RNF220: variants seen among roughly 807,000 people sequenced by gnomAD.
The protein encoded by RNF220 is ring finger protein 220.
RNF220 carries 7 observed loss-of-function variants against 67.1 expected under a neutral mutation model. That is an observed-to-expected ratio of 0.10 (90% CI 0.06 to 0.20). RNF220 has a LOEUF of 0.20. Ranked by LOEUF, RNF220 falls within the 10% of genes least tolerant of loss-of-function variation. RNF220 has a pLI of 1.00. For synonymous variants in RNF220, 270 were observed against 283.2 expected, an observed-to-expected ratio of 0.95 and a Z score of 0.47; for missense variants, 565 against 740.3, an observed-to-expected ratio of 0.76 and a Z score of 2.75.
At position 44,412,740 on chromosome 1, in the gene RNF220, A is replaced by G. The variant is rs1310952504; in HGVS notation, c.625+18A>G. On this transcript the variant is annotated intron_variant, in intron 2 of 14. Transcript: ENST00000361799. This position sits in a 1 kb window ranked among gnomAD's most constrained non-coding sequence, Gnocchi z 5.3. ...TGACAGATGTAAGTACTTTGGTTCC[A>G]GCCCTCCCTTACCCCCAGTAAGCCC... 1 of 1,605,928 alleles carries G rather than the reference A, an allele frequency of 6.2e-7. No individual in the cohort carries two copies. The highest frequency in any genetic ancestry group is 1.7e-5 in the Admixed American group (1 of 59,562).
chr1:44,578,183 C>G (rs1274353781), intron 2 of RNF220, among the ~76,000 whole-genome samples: 1 of 130,176 alleles, frequency 7.7e-6, no homozygotes, highest in African/African-American at 2.9e-5. Context: ...GAGTCGTGCT[C>G]TGTCTCCCAG....
chr1:44,577,302 C>T (rs1334778961), intron 2 of RNF220, among the ~76,000 whole-genome samples: 1 of 151,518 alleles, frequency 6.6e-6, no homozygotes, highest in East Asian at 1.9e-4. Context: ...TGCACCCCCT[C>T]TTACCCGCTG....
intron 8 of RNF220, among the ~76,000 whole-genome samples, chr1:44,641,913 G>A (rs539055770): frequency 1.2e-4 from 18 of 152,338 alleles, no homozygotes; most frequent in South Asian, 8.3e-4. Context: ...ACTGGCCAGC[G>A]GAACAGAAAG....
chr1:44,585,323 G>T (rs1440981229), intron 2 of RNF220, among the ~76,000 whole-genome samples: 1 of 152,090 alleles, frequency 6.6e-6, no homozygotes, highest in Non-Finnish European at 1.5e-5. Flanking sequence ...CTCTGTCCTG[G>T]AGCTCCAACT....
intron 2 of RNF220, among the ~76,000 whole-genome samples, chr1:44,538,913 C>G (rs1345067319): frequency 1.0e-5 from 1 of 99,068 alleles, no homozygotes; most frequent in Non-Finnish European, 1.8e-5. Flanking sequence ...GAGACTCCAT[C>G]TAGGGAAAAA....
intron 2 of RNF220, among the ~76,000 whole-genome samples, chr1:44,443,931 A>C (rs1651815065): frequency 6.6e-6 from 1 of 152,180 alleles, no homozygotes; most frequent in Non-Finnish European, 1.5e-5. Context: ...TCTCTACTAA[A>C]AATACAAAAA....
rs144930040 is a variant in RNF220, at chr1:44,600,369, G to A, written c.626-13796G>A. On this transcript the variant is annotated intron_variant, in intron 2 of 14. Coordinates refer to ENST00000361799, the MANE Select transcript of RNF220 (RefSeq NM_018150.4). The surrounding 1 kb of genome is among the most constrained non-coding windows in gnomAD (Gnocchi z 4.0). The stretch of plus-strand genomic sequence containing the variant: ...GAGGGAGAAGTGAATGATGACAAGG[G>A]CAATAGCTAACATCAGAGGCAGCAG... Among the ~76,000 whole-genome samples the A allele has an allele frequency of 2.4e-4, 36 of 152,268 alleles. No individual in the cohort carries two copies. The highest frequency in any genetic ancestry group is 8.4e-4 in the African/African-American group (35 of 41,548).
At chr1:44,497,795 T>G (rs1181978786) in intron 2 of RNF220, among the ~76,000 whole-genome samples, 3 of 152,246 alleles carry the variant, frequency 2.0e-5, no homozygotes, top group Admixed American at 2.0e-4. Flanking sequence ...ACTATACTGC[T>G]GCAAGCACCC....
At chr1:44,562,501 C>T (rs185566363) in intron 2 of RNF220, among the ~76,000 whole-genome samples, 3 of 152,288 alleles carry the variant, frequency 2.0e-5, no homozygotes, top group East Asian at 3.9e-4. Context: ...TCCATAGGTA[C>T]GTCTCCCTGT....
chr1:44,501,551 T>TCTAAC (rs1451720623), intron 2 of RNF220, among the ~76,000 whole-genome samples: 3,832 of 152,120 alleles, frequency 0.025, 143 homozygotes, highest in African/African-American at 0.088. Flanking sequence ...TTATTGGGTG[T>TCTAAC]GGGCAGAACT....
intron 2 of RNF220, among the ~76,000 whole-genome samples, chr1:44,458,695 C>T (rs927856650): frequency 2.0e-5 from 3 of 152,038 alleles, no homozygotes; most frequent in African/African-American, 7.3e-5. Context: ...TCTTTTCGCA[C>T]GATTGGTTTA....
chr1:44,592,947 C>G (rs1454723149), intron 2 of RNF220, among the ~76,000 whole-genome samples: 1 of 152,102 alleles, frequency 6.6e-6, no homozygotes, highest in East Asian at 1.9e-4. Flanking sequence ...GAGGGGGATG[C>G]CATGTGGAGA....
At chr1:44,644,630 A>T in intron 8 of RNF220, 68 bp from the exon 9 acceptor site, 1 of 1,236,296 alleles carries the variant, frequency 8.1e-7, no homozygotes, top group Non-Finnish European at 1.2e-6. Flanking sequence ...CCCTACCTGG[A>T]GGCAACAGGA....
At position 44,606,034 on chromosome 1, in the gene RNF220, G is replaced by T. The variant is rs1667249616; in HGVS notation, c.626-8131G>T. 6.6e-6 allele frequency among the ~76,000 whole-genome samples: 1 copy of T among 152,090 alleles called. No homozygotes were observed. The highest frequency in any genetic ancestry group is 6.5e-5 in the Admixed American group (1 of 15,270). The stretch of plus-strand genomic sequence containing the variant: ...GCCCTACCCCTACCTCCTCAACCAG[G>T]GATGCCTATTAATCCTGACAAATGA... On this transcript the variant is annotated intron_variant, in intron 2 of 14. Transcript: ENST00000361799. The surrounding 1 kb of genome is among the most constrained non-coding windows in gnomAD (Gnocchi z 4.2).
rs115081726 is a variant in RNF220, at chr1:44,463,486, G to A, written c.625+50764G>A. Among the ~76,000 whole-genome samples the A allele has an allele frequency of 6.3e-3, 959 of 151,076 alleles. 7 individuals are homozygous for A. Among genetic ancestry groups the A allele is most frequent in the African/African-American group, 0.022 (903 of 41,250 alleles). On this transcript the variant is annotated intron_variant, in intron 2 of 14. Coordinates refer to ENST00000361799, the MANE Select transcript of RNF220 (RefSeq NM_018150.4). ...TGTAATTGTTGTGAAATGATTTGTCGTTCTAATAAATACTCACTTTTGAAC... is the reference window on the plus strand; with the variant it reads ...TGTAATTGTTGTGAAATGATTTGTCATTCTAATAAATACTCACTTTTGAAC...
chr1:44,646,730 C>T (rs1167363874), intron 12 of RNF220, among the ~76,000 whole-genome samples: 2 of 152,164 alleles, frequency 1.3e-5, no homozygotes, highest in Non-Finnish European at 2.9e-5. Context: ...GGATTTCTGT[C>T]CCACCTGTGT....
chr1:44,424,600 G>C (rs962386217), intron 2 of RNF220, among the ~76,000 whole-genome samples: 6 of 152,132 alleles, frequency 3.9e-5, no homozygotes, highest in Non-Finnish European at 5.9e-5. Flanking sequence ...GGGCAGGCAG[G>C]GGAAGGGTGA....
intron 2 of RNF220, among the ~76,000 whole-genome samples, chr1:44,514,853 A>C (rs962385624): frequency 6.6e-6 from 1 of 152,224 alleles, no homozygotes; most frequent in Non-Finnish European, 1.5e-5. Flanking sequence ...AGTTGTGTGC[A>C]TAACCTCTAC....
At chr1:44,604,316 C>T (rs1667126174) in intron 2 of RNF220, among the ~76,000 whole-genome samples, 1 of 152,200 alleles carries the variant, frequency 6.6e-6, no homozygotes, top group African/African-American at 2.4e-5. Flanking sequence ...AGCCTAATCC[C>T]AGGGAACTCT....
Sources: gnomAD v4.1 joint callset for allele counts (sites outside exome capture counted in the v4.1 genomes callset) on GRCh38, gnomAD v4.1.1 for gene constraint, Gnocchi (gnomAD v3.1) non-coding constraint, MANE v1.5 for transcripts, NCBI Gene and HGNC (gene_info 2026-07-23, HGNC 2026-07-21) for gene names.